The following MOCOS variants were observed in gnomAD, a reference collection of about 807,000 sequenced individuals.
MOCOS encodes the protein molybdenum cofactor sulfurase, also known as human molybdenum cofactor sulfurase.
Under a neutral mutation model 83.6 loss-of-function variants are expected in MOCOS, and 86 were observed. The ratio of observed to expected loss-of-function variants is 1.03; its 90% confidence interval spans 0.86 to 1.23. MOCOS has a LOEUF of 1.23. MOCOS is among the 50% of genes most tolerant of loss of function. The pLI is 0.00. For synonymous variants in MOCOS, 445 were observed against 434.7 expected (o/e 1.02, Z -0.29); for missense variants, 1,120 against 1,126.9 (o/e 0.99, Z 0.09).
At chr18:36,228,836 G>GA (rs34976015) in intron 9 of MOCOS, among the ~76,000 whole-genome samples, 3,005 of 116,324 alleles carry the variant, frequency 0.026, 83 homozygotes, top group African/African-American at 0.081. Flanking sequence ...CTTAAAAGTT[G>GA]AAAAAAAAAA....
chr18:36,268,213 G>A (rs1273022046), intron 14 of MOCOS, among the ~76,000 whole-genome samples: 1 of 152,208 alleles, frequency 6.6e-6, no homozygotes, highest in Admixed American at 6.5e-5. Flanking sequence ...TGGGCCTGAT[G>A]GTGGTCACAA....
intron 7 of MOCOS, among the ~76,000 whole-genome samples, chr18:36,215,140 A>C (rs1274392256): frequency 1.3e-5 from 2 of 152,132 alleles, no homozygotes; most frequent in African/African-American, 4.8e-5. Context: ...TGTTTCTCCC[A>C]TCTCAGCCCC....
intron 11 of MOCOS, among the ~76,000 whole-genome samples, chr18:36,253,406 G>A (rs1342956040): frequency 1.3e-5 from 2 of 152,128 alleles, no homozygotes; most frequent in East Asian, 3.9e-4. Flanking sequence ...GGTGGCTCAC[G>A]CCTGTAGTCC....
intron 9 of MOCOS, among the ~76,000 whole-genome samples, chr18:36,227,236 T>G (rs1432318543): frequency 6.6e-6 from 1 of 151,762 alleles, no homozygotes; most frequent in South Asian, 2.1e-4. Flanking sequence ...TTAACACATA[T>G]GTATATATTT....
At chr18:36,249,775 C>T (rs1319513249) in intron 10 of MOCOS, among the ~76,000 whole-genome samples, 1 of 152,102 alleles carries the variant, frequency 6.6e-6, no homozygotes, top group Admixed American at 6.6e-5. Flanking sequence ...ATAACCTGAA[C>T]TAGCTGATGA....
Position 36,205,211 on chromosome 18 carries a change from G to T in MOCOS, c.1153G>T (p.Val385Phe), listed in dbSNP as rs749775603. 1.4e-5 allele frequency: 22 copies of T among 1,613,762 alleles called. No homozygotes were observed. The African/African-American group carries it at 2.3e-4, about 17-fold the overall frequency. The change falls in exon 6 of 15, where the codon GTT (valine) becomes TTT (phenylalanine). Residue 385 changes from valine (V) to phenylalanine (F), a missense_variant. Physicochemically the swap from Val to Phe is conservative, Grantham distance 50. Transcript: ENST00000261326. ...CGATTCTGAGTTCAGCAGCCCTGAG[G>T]TTCAGGGCCCAATCATCAATTTTAA... ...YSDSEFSSPEVQGPIINFNVL... is the reference protein window; with the variant it reads ...YSDSEFSSPEFQGPIINFNVL...
intron 5 of MOCOS, 61 bp from the exon 6 acceptor site, chr18:36,205,016 A>AAAAAT: frequency 4.0e-6 from 5 of 1,242,580 alleles, no homozygotes; most frequent in Non-Finnish European, 5.7e-6. Context: ...AAAAAAAAAA[A>AAAAAT]GAGTGAATTG....
At chr18:36,226,714 C>T (rs1199580198) in intron 9 of MOCOS, among the ~76,000 whole-genome samples, 4 of 143,282 alleles carry the variant, frequency 2.8e-5, no homozygotes, top group Non-Finnish European at 4.5e-5. Context: ...TAGGTTTTTT[C>T]TTTTTTTTTT....
At chr18:36,251,394 C>T in intron 11 of MOCOS, 111 bp downstream of exon 11, 2 of 1,395,344 alleles carry the variant, frequency 1.4e-6, no homozygotes, top group Non-Finnish European at 2.0e-6. Flanking sequence ...GTATGGAAAG[C>T]AGGGGTCATC....
At chr18:36,227,950 C>T (rs911615443) in intron 9 of MOCOS, among the ~76,000 whole-genome samples, 3 of 152,110 alleles carry the variant, frequency 2.0e-5, no homozygotes, top group African/African-American at 7.2e-5. Flanking sequence ...TGACAAAGGT[C>T]TAATATCCAG....
intron 9 of MOCOS, among the ~76,000 whole-genome samples, chr18:36,239,807 C>T (rs1239601557): frequency 0.018 from 2,765 of 151,158 alleles, 88 homozygotes; most frequent in African/African-American, 0.064. Flanking sequence ...CACATAGTCC[C>T]ATATTTCTTG....
At position 36,270,916 on chromosome 18, in the gene MOCOS, G is replaced by A. The variant is rs888650049; in HGVS notation, c.*2231G>A. 6.7e-6 allele frequency: 1 copy of A among 150,372 alleles called. No homozygotes were observed. Among genetic ancestry groups the A allele is most frequent in the African/African-American group, 2.4e-5 (1 of 40,946 alleles). The allele number at this position is 150,372 out of a possible 1,614,324, so 9.3% of individuals were successfully genotyped here. ...TGCAGCCTTGACCTCTTGGGCTCAA[G>A]CGATTCCCCTGCCTCAGCCTCCCAA... is the stretch of plus-strand genomic sequence containing the variant. On this transcript the variant is annotated 3_prime_UTR_variant, in exon 15 of 15. Transcript: ENST00000261326.
At chr18:36,245,724 A>G (rs934662474) in intron 9 of MOCOS, among the ~76,000 whole-genome samples, 1 of 152,204 alleles carries the variant, frequency 6.6e-6, no homozygotes, top group Non-Finnish European at 1.5e-5. Flanking sequence ...TAAGTTTTCC[A>G]AAGTTTTAGA....
intron 3 of MOCOS, among the ~76,000 whole-genome samples, chr18:36,199,337 A>G (rs916006198): frequency 6.6e-6 from 1 of 152,240 alleles, no homozygotes; most frequent in Non-Finnish European, 1.5e-5. Flanking sequence ...TGCCAAAACT[A>G]AAAGCAATGT....
intron 13 of MOCOS, among the ~76,000 whole-genome samples, chr18:36,261,510 A>C (rs1471461818): frequency 6.6e-6 from 1 of 152,248 alleles, no homozygotes; most frequent in African/African-American, 2.4e-5. Context: ...TGCACTCAGA[A>C]GGAACACCAC....
At chr18:36,235,652 T>C (rs1158228336) in intron 9 of MOCOS, among the ~76,000 whole-genome samples, 1 of 150,958 alleles carries the variant, frequency 6.6e-6, no homozygotes, top group Non-Finnish European at 1.5e-5. Flanking sequence ...TACCCAGTAA[T>C]GGGATGGCTG....
At chr18:36,214,162 A>G (rs1321927023) in intron 7 of MOCOS, among the ~76,000 whole-genome samples, 2 of 143,400 alleles carry the variant, frequency 1.4e-5, no homozygotes, top group African/African-American at 5.2e-5. Context: ...AACTGCTTGA[A>G]CCCGGGAGGT....
chr18:36,253,459 A>T (rs1220018865), intron 11 of MOCOS, among the ~76,000 whole-genome samples: 1 of 152,094 alleles, frequency 6.6e-6, no homozygotes, highest in African/African-American at 2.4e-5. Flanking sequence ...CGAGGTCAGG[A>T]GTTCAAGACC....
At chr18:36,228,811 A>C (rs1933617632) in intron 9 of MOCOS, among the ~76,000 whole-genome samples, 1 of 150,524 alleles carries the variant, frequency 6.6e-6, no homozygotes, top group Non-Finnish European at 1.5e-5. Context: ...ATAAACCTGC[A>C]CTTGTACCAC....
Sources: allele counts gnomAD v4.1 joint callset (sites outside exome capture counted in the v4.1 genomes callset), GRCh38; gene constraint gnomAD v4.1.1; transcripts MANE v1.5; gene names NCBI Gene and HGNC (gene_info 2026-07-23, HGNC 2026-07-21).